Variants in TSHZ3 observed in about 807,000 individuals in gnomAD.
TSHZ3 encodes teashirt homolog 3.
TSHZ3 carries 10 observed loss-of-function variants against 64.5 expected under a neutral mutation model. The observed-to-expected ratio is 0.16, with a 90% CI of 0.10 to 0.26. The LOEUF is 0.26. Among genes scored for constraint, TSHZ3 ranks in the 10% least tolerant of loss-of-function variants. The probability of loss-of-function intolerance (pLI) is 1.00; values close to 1 mark genes in which losing one functional copy is unlikely to be tolerated. For synonymous variants in TSHZ3, 608 were observed against 593.1 expected, an observed-to-expected ratio of 1.03 and a Z score of -0.36; for missense variants, 1,242 against 1,421.7, an observed-to-expected ratio of 0.87 and a Z score of 2.03.
intron 1 of TSHZ3, among the ~76,000 whole-genome samples, chr19:31,332,159 G>A (rs1464782301): frequency 1.3e-5 from 2 of 152,164 alleles, no homozygotes; most frequent in East Asian, 3.9e-4. Flanking sequence ...AGCTGTCAAT[G>A]AGGTGGTGTG....
At chr19:31,201,140 C>T (rs1391555464) in intron 5 of TSHZ3, among the ~76,000 whole-genome samples, 4 of 152,144 alleles carry the variant, frequency 2.6e-5, no homozygotes, top group Non-Finnish European at 5.9e-5. Flanking sequence ...TTAAAAGTAT[C>T]ATTTCAAGAC....
chr19:31,155,428 C>T (rs919686830), intron 6 of TSHZ3, among the ~76,000 whole-genome samples: 3 of 152,184 alleles, frequency 2.0e-5, no homozygotes, highest in Non-Finnish European at 4.4e-5. Context: ...AACACAGCTT[C>T]GTTGTAGGAA....
At chr19:31,170,352 G>A (rs1295294239) in intron 5 of TSHZ3, among the ~76,000 whole-genome samples, 1 of 151,978 alleles carries the variant, frequency 6.6e-6, no homozygotes, top group Non-Finnish European at 1.5e-5. Context: ...TCATCATCAG[G>A]GCCCTACCCT....
intron 1 of TSHZ3, among the ~76,000 whole-genome samples, chr19:31,313,665 G>C (rs886546315): frequency 2.6e-5 from 4 of 152,202 alleles, no homozygotes; most frequent in African/African-American, 9.6e-5. Context: ...AATTCACCCT[G>C]AGTTTGGACA....
At chr19:31,267,974 T>C (rs1157442922) in intron 1 of TSHZ3, among the ~76,000 whole-genome samples, 1 of 152,080 alleles carries the variant, frequency 6.6e-6, no homozygotes, top group Non-Finnish European at 1.5e-5. Flanking sequence ...TCATCTTGAA[T>C]TGTAGCTCCC....
Position 31,277,135 on chromosome 19 carries a change from C to T in TSHZ3, c.2658G>A (p.Thr886=), listed in dbSNP as rs562309986. 164 of 1,607,186 alleles carry T rather than the reference C, an allele frequency of 1.0e-4. No individual in the cohort carries two copies. The South Asian group carries it at 1.3e-3, about 13-fold the overall frequency. The change falls in exon 2 of 2, where the codon ACG becomes ACA. Residue 886 remains threonine, a synonymous_variant. Transcript: ENST00000240587. The surrounding 1 kb of genome is among the most constrained non-coding windows in gnomAD (Gnocchi z 4.5). The part of the protein sequence containing the change: ...GATLEEAEES[T]PAQKRKGRQS... ...GGCGGCCCTTCCTCTTCTGGGCGGGCGTCGACTCCTCAGCCTCCTCCAGAG... is the reference window on the plus strand; with the variant it reads ...GGCGGCCCTTCCTCTTCTGGGCGGGTGTCGACTCCTCAGCCTCCTCCAGAG...
rs1229746827 is a variant in TSHZ3, at chr19:31,292,733, T to TCCAC, written c.41-12982_41-12981insGTGG. Among the ~76,000 whole-genome samples, 35 of 19,478 alleles carry TCCAC rather than the reference T, an allele frequency of 1.8e-3. No individual in the cohort carries two copies. The South Asian group carries it at 0.11, about 60-fold the overall frequency. 12.8% of individuals were successfully genotyped at this position (19,478 alleles called of 152,430 possible). On this transcript the variant is annotated intron_variant, in intron 1 of 1. Coordinates refer to ENST00000240587, the MANE Select transcript of TSHZ3 (RefSeq NM_020856.4). ...TATCCATCCAAAACCCATCCACCCA[T>TCCAC]CCATCCATCCATCCATCCATCCATC...
At chr19:31,223,915 T>C (rs1223815094) in intron 4 of TSHZ3, among the ~76,000 whole-genome samples, 1 of 152,058 alleles carries the variant, frequency 6.6e-6, no homozygotes, top group Non-Finnish European at 1.5e-5. Flanking sequence ...AGGACCACAG[T>C]GGAAGTTGAA....
At chr19:31,301,111 G>A (rs764324937) in intron 1 of TSHZ3, among the ~76,000 whole-genome samples, 14 of 151,704 alleles carry the variant, frequency 9.2e-5, no homozygotes, top group African/African-American at 2.9e-4. Context: ...TTCCCCCCTC[G>A]GCTACAATAG....
rs1215772332 is a variant in TSHZ3, at chr19:31,246,298, G to A, written n.64-3423C>T. Among the ~76,000 whole-genome samples, 3 of 152,226 alleles carry A rather than the reference G, an allele frequency of 2.0e-5. No homozygotes were observed. The East Asian group carries it at 5.8e-4, about 29-fold the overall frequency. On this transcript the variant is annotated intron_variant and non_coding_transcript_variant, in intron 1 of 6. Transcript: ENST00000651361. ...CATATTGATTAGACCTGAAGGTATG[G>A]GTGAATGTGGAGGATACAATCTTTC...
At chr19:31,269,922 G>A (rs1266263198) in intron 1 of TSHZ3, among the ~76,000 whole-genome samples, 4 of 152,228 alleles carry the variant, frequency 2.6e-5, no homozygotes, top group Admixed American at 6.5e-5. Flanking sequence ...GAGGCTGACA[G>A]CCACGCCAGC....
intron 5 of TSHZ3, among the ~76,000 whole-genome samples, chr19:31,164,398 G>A (rs527652970): frequency 6.6e-6 from 1 of 152,220 alleles, no homozygotes; most frequent in Admixed American, 6.5e-5. Flanking sequence ...ACCAAAGAAA[G>A]AAACACTAAT....
chr19:31,310,214 C>T (rs2145153107), intron 1 of TSHZ3, among the ~76,000 whole-genome samples: 1 of 152,214 alleles, frequency 6.6e-6, no homozygotes, highest in South Asian at 2.1e-4. Context: ...CTACTCTGGT[C>T]CCAGGTAATG....
At chr19:31,333,486 C>A (rs1277029623) in intron 1 of TSHZ3, among the ~76,000 whole-genome samples, 2 of 152,244 alleles carry the variant, frequency 1.3e-5, no homozygotes, top group African/African-American at 4.8e-5. Context: ...CATCTTGAAC[C>A]CAAACAGTCC....
intron 1 of TSHZ3, among the ~76,000 whole-genome samples, chr19:31,246,103 A>G (rs1975754528): frequency 6.6e-6 from 1 of 152,238 alleles, no homozygotes; most frequent in South Asian, 2.1e-4. Context: ...ATGTCACAAC[A>G]TCAAAAGTCT....
In TSHZ3 at chr19:31,275,348, T is replaced by A. The variant is rs1976208708; in HGVS notation, c.*1199A>T. On this transcript the variant is annotated 3_prime_UTR_variant, in exon 2 of 2. Coordinates refer to ENST00000240587, the MANE Select transcript of TSHZ3 (RefSeq NM_020856.4). ...AAGTGAAAGAGGTTGGATCACAGAATGCCTCATGACTTTTAAGCAAAGTAT... is the reference window on the plus strand; with the variant it reads ...AAGTGAAAGAGGTTGGATCACAGAAAGCCTCATGACTTTTAAGCAAAGTAT... The A allele has an allele frequency of 6.6e-6, 1 of 152,468 alleles. No homozygotes were observed. Among genetic ancestry groups the A allele is most frequent in the Non-Finnish European group, 1.5e-5 (1 of 68,002 alleles). 9.4% of individuals were successfully genotyped at this position (152,468 alleles called of 1,614,324 possible).
chr19:31,256,559 C>T (rs1975913778), intron 1 of TSHZ3, among the ~76,000 whole-genome samples: 1 of 152,218 alleles, frequency 6.6e-6, no homozygotes, highest in Non-Finnish European at 1.5e-5. Flanking sequence ...GTAACACACA[C>T]AGCAAACATG....
At chr19:31,307,151 C>T (rs1916323315) in intron 1 of TSHZ3, among the ~76,000 whole-genome samples, 1 of 152,180 alleles carries the variant, frequency 6.6e-6, no homozygotes, top group African/African-American at 2.4e-5. Context: ...AAAAAAAATG[C>T]ATCTATTCCC....
At chr19:31,286,321 A>G (rs1458131575) in intron 1 of TSHZ3, among the ~76,000 whole-genome samples, 1 of 152,226 alleles carries the variant, frequency 6.6e-6, no homozygotes, top group Non-Finnish European at 1.5e-5. Flanking sequence ...CCAAAGTTAC[A>G]AAAGCTTTCT....
Sources: gnomAD v4.1 joint callset for allele counts (sites outside exome capture counted in the v4.1 genomes callset) on GRCh38, gnomAD v4.1.1 for gene constraint, Gnocchi (gnomAD v3.1) non-coding constraint, MANE v1.5 for transcripts, NCBI Gene and HGNC (gene_info 2026-07-23, HGNC 2026-07-21) for gene names.